The following KANK4 variants were observed in gnomAD, a reference collection of about 807,000 sequenced individuals.
The protein encoded by KANK4 is KN motif and ankyrin repeat domains 4.
KANK4 carries 50 observed loss-of-function variants against 80.8 expected under a neutral mutation model. The ratio of observed to expected loss-of-function variants is 0.62; its 90% CI spans 0.49 to 0.78. The LOEUF (loss-of-function observed/expected upper bound fraction) is 0.78, where lower values mean the gene tolerates loss of function less well. Ranked by LOEUF, KANK4 falls within the 30% of genes least tolerant of loss-of-function variation. The pLI, the probability that KANK4 is intolerant of heterozygous loss-of-function variation, is 0.00. For missense variants in KANK4, 1,196 were observed against 1,240.1 expected, an observed-to-expected ratio of 0.96 and a Z score of 0.53; for synonymous variants, 465 against 506.9, an observed-to-expected ratio of 0.92 and a Z score of 1.11.
intron 6 of KANK4, among the ~76,000 whole-genome samples, chr1:62,265,232 GTTCT>G (rs1037734848): frequency 6.6e-6 from 1 of 150,914 alleles, no homozygotes; most frequent in Non-Finnish European, 1.5e-5. Context: ...TCACATATTG[GTTCT>G]TTTTTTTTTT....
intron 1 of KANK4, among the ~76,000 whole-genome samples, chr1:62,302,892 G>C (rs1644423189): frequency 6.6e-6 from 1 of 152,122 alleles, no homozygotes; most frequent in South Asian, 2.1e-4. Flanking sequence ...AAAAGCTCTG[G>C]CTTAAGAGTT....
chr1:62,309,134 C>T (rs753033049), intron 1 of KANK4, among the ~76,000 whole-genome samples: 4 of 152,230 alleles, frequency 2.6e-5, no homozygotes, highest in Non-Finnish European at 1.5e-5. Flanking sequence ...ATGCCATCAG[C>T]GTGCCAGCAT....
Position 62,274,549 on chromosome 1 carries a change from A to C in KANK4, c.555T>G (p.Pro185=). ...SEEPGLSLGP[P]APPALPPLQG... is the part of the protein sequence containing the mutation. ...GAAGGGGAGGGAGGGCAGGAGGGGC[A>C]GGGGGCCCCAGGCTCAGGCCTGGCT... is the stretch of plus-strand genomic sequence containing the variant. Residue 185 remains proline (P), a synonymous_variant, in exon 3 of 10, where the codon CCT becomes CCG. Coordinates refer to ENST00000371153, the MANE Select transcript of KANK4 (RefSeq NM_181712.5). 13 of 1,614,068 alleles carry C rather than the reference A, an allele frequency of 8.1e-6. No individual in the cohort carries two copies. Among genetic ancestry groups the C allele is most frequent in the Non-Finnish European group, 1.1e-5 (13 of 1,179,944 alleles).
intron 2 of KANK4, among the ~76,000 whole-genome samples, chr1:62,277,270 G>T (rs1230475762): frequency 6.6e-6 from 1 of 152,150 alleles, no homozygotes; most frequent in Non-Finnish European, 1.5e-5. Context: ...ATTTTTCCTA[G>T]GTAGGAGAGG....
Position 62,273,455 on chromosome 1 carries a change from C to T in KANK4, c.1649G>A (p.Arg550Lys). The T allele has an allele frequency of 1.2e-6, 2 of 1,613,954 alleles. No homozygotes were observed. Among genetic ancestry groups the T allele is most frequent in the Admixed American group, 3.3e-5 (2 of 59,976 alleles). Residue 550 changes from arginine (R) to lysine (K), a missense_variant, in exon 3 of 10, where the codon AGG (arginine) becomes AAG (lysine). Around this residue, in one of 3 missense-constraint regions of KANK4, gnomAD observed 1,154 missense variants for 1,179.6 expected, o/e 0.98. Coordinates refer to ENST00000371153, the MANE Select transcript of KANK4 (RefSeq NM_181712.5). ...GGCATCCGTTGGCGAGCTTGGTGGC[C>T]TTCCCGGGTGCTCCTTCCCTGGGAG... is the stretch of plus-strand genomic sequence containing the variant. The part of the protein sequence containing the change: ...SNLPGKEHPG[R>K]PPSSPTDATI...
intron 1 of KANK4, among the ~76,000 whole-genome samples, chr1:62,292,455 C>T (rs1672698552): frequency 6.6e-6 from 1 of 152,172 alleles, no homozygotes; most frequent in Admixed American, 6.5e-5. Context: ...CCCCATATTA[C>T]CTATTGTTCA....
chr1:62,248,252 C>T (rs1021918357), intron 8 of KANK4, among the ~76,000 whole-genome samples: 1 of 152,210 alleles, frequency 6.6e-6, no homozygotes, highest in Non-Finnish European at 1.5e-5. Flanking sequence ...TAATCTTGGG[C>T]ATCTCTGTAA....
At chr1:62,281,980 A>G (rs976725296) in intron 1 of KANK4, among the ~76,000 whole-genome samples, 1 of 152,180 alleles carries the variant, frequency 6.6e-6, no homozygotes, top group African/African-American at 2.4e-5. Context: ...GGCTTCTGAT[A>G]CCAGCACAGG....
intron 9 of KANK4, among the ~76,000 whole-genome samples, chr1:62,244,616 C>T (rs1671423067): frequency 6.6e-6 from 1 of 152,146 alleles, no homozygotes; most frequent in South Asian, 2.1e-4. Context: ...TTTGCTCCTC[C>T]TTGCCTTCCG....
chr1:62,314,945 A>G (rs1301728922), intron 1 of KANK4, among the ~76,000 whole-genome samples: 3 of 152,188 alleles, frequency 2.0e-5, no homozygotes, highest in African/African-American at 4.8e-5. Context: ...ATAACTGCCC[A>G]TGTATCACAT....
At chr1:62,311,274 A>T (rs530710366) in intron 1 of KANK4, among the ~76,000 whole-genome samples, 1 of 137,690 alleles carries the variant, frequency 7.3e-6, no homozygotes, top group South Asian at 2.6e-4. Flanking sequence ...TTAACCTCTT[A>T]GAGCTTCACT....
At chr1:62,314,382 G>C (rs927095801) in intron 1 of KANK4, among the ~76,000 whole-genome samples, 1 of 152,098 alleles carries the variant, frequency 6.6e-6, no homozygotes, top group African/African-American at 2.4e-5. Flanking sequence ...AGGGAGAGCG[G>C]GGTGGGAAAC....
At position 62,274,304 on chromosome 1, in the gene KANK4, T is replaced by C; in HGVS notation, c.800A>G (p.Glu267Gly). 6.2e-7 allele frequency: 1 copy of C among 1,614,164 alleles called. No homozygotes were observed. Among genetic ancestry groups the C allele is most frequent in the Non-Finnish European group, 8.5e-7 (1 of 1,180,026 alleles). ...CACCTCTGCTTCTCTGGCATTGTGT[T>C]CATCTTCCTTGTCCTCTAGAACTAC... is the stretch of plus-strand genomic sequence containing the variant. ...VLVVLEDKED[E>G]HNAREAEVLF... Residue 267 changes from glutamate (E) to glycine (G), a missense_variant, in exon 3 of 10, where the codon GAA (glutamate) becomes GGA (glycine). Physicochemically the swap from Glu to Gly is moderately conservative, Grantham distance 98. Transcript: ENST00000371153.
intron 7 of KANK4, among the ~76,000 whole-genome samples, chr1:62,261,077 A>T (rs999453190): frequency 6.7e-6 from 1 of 149,056 alleles, no homozygotes; most frequent in Non-Finnish European, 1.5e-5. Context: ...CTTGCAGCCC[A>T]CTGCCTTCTC....
intron 1 of KANK4, among the ~76,000 whole-genome samples, chr1:62,291,273 T>C (rs1431386255): frequency 6.6e-6 from 1 of 152,208 alleles, no homozygotes; most frequent in South Asian, 2.1e-4. Flanking sequence ...CATTTTTGAA[T>C]TGGCTTGTTT....
intron 9 of KANK4, 40 bp from the exon 10 acceptor site, chr1:62,238,421 A>C: frequency 1.3e-6 from 2 of 1,567,162 alleles, no homozygotes; most frequent in Non-Finnish European, 1.8e-6. Flanking sequence ...ATATCATCCA[A>C]TCTGCCTCCT....
intron 9 of KANK4, among the ~76,000 whole-genome samples, chr1:62,241,246 G>A (rs1296795599): frequency 3.3e-5 from 5 of 152,102 alleles, no homozygotes; most frequent in Admixed American, 6.6e-5. Flanking sequence ...ATAAAGCACG[G>A]CAAAGCACTA....
intron 1 of KANK4, among the ~76,000 whole-genome samples, chr1:62,300,362 T>C (rs1644401810): frequency 6.6e-6 from 1 of 152,084 alleles, no homozygotes; most frequent in African/African-American, 2.4e-5. Flanking sequence ...TGTGGACTCA[T>C]GGATGAAAAA....
chr1:62,300,553 G>A (rs949614222), intron 1 of KANK4, among the ~76,000 whole-genome samples: 2 of 152,104 alleles, frequency 1.3e-5, no homozygotes, highest in Admixed American at 1.3e-4. Flanking sequence ...AGGCAGATGG[G>A]AGAAGCAGCT....
Sources: gnomAD v4.1 joint callset for allele counts (sites outside exome capture counted in the v4.1 genomes callset) on GRCh38, gnomAD v4.1.1 for gene constraint, gnomAD v4.1.1 regional missense constraint, MANE v1.5 for transcripts, NCBI Gene and HGNC (gene_info 2026-07-23, HGNC 2026-07-21) for gene names.